Variants in ADGRL2 observed in about 807,000 individuals in gnomAD.
The protein encoded by ADGRL2 is calcium-independent alpha-latrotoxin receptor 2.
In ADGRL2, 44 loss-of-function variants were observed where a neutral mutation model predicts 157.4. That is an observed-to-expected ratio of 0.28 (90% CI 0.22 to 0.36). The LOEUF is 0.36. Ranked by LOEUF, ADGRL2 falls within the 10% of genes least tolerant of loss-of-function variation. The pLI is 1.00. For synonymous variants in ADGRL2, 585 were observed against 624.7 expected, an observed-to-expected ratio of 0.94 and a Z score of 0.95; for missense variants, 1,510 against 1,768.9, an observed-to-expected ratio of 0.85 and a Z score of 2.63.
intron 2 of ADGRL2, among the ~76,000 whole-genome samples, chr1:81,571,460 T>C (rs2080691437): frequency 6.7e-6 from 1 of 149,428 alleles, no homozygotes; most frequent in African/African-American, 2.4e-5. Flanking sequence ...CACATATATA[T>C]ATATGGTAGG....
At chr1:81,899,907 A>G (rs1325750038) in intron 2 of ADGRL2, among the ~76,000 whole-genome samples, 1 of 152,182 alleles carries the variant, frequency 6.6e-6, no homozygotes, top group Non-Finnish European at 1.5e-5. Flanking sequence ...AGCAGCCAGC[A>G]TACCATAACG....
At chr1:81,954,393 G>A (rs2149115156) in intron 10 of ADGRL2, among the ~76,000 whole-genome samples, 1 of 152,210 alleles carries the variant, frequency 6.6e-6, no homozygotes, top group South Asian at 2.1e-4. Flanking sequence ...CTTAATTTCT[G>A]ACCAGTGTCA....
chr1:81,366,512 C>A lies in ADGRL2; in HGVS notation c.-302+60003C>A, dbSNP rs11163261. On this transcript the variant is annotated intron_variant, in intron 1 of 24. Coordinates refer to the ADGRL2 transcript ENST00000370721. Reference sequence around the variant, plus strand: ...GTTTCTATCTAGTTTTCTAGCTTTACTCTTGCTATCTTTATGCTTTTCACT... The same window carrying A: ...GTTTCTATCTAGTTTTCTAGCTTTAATCTTGCTATCTTTATGCTTTTCACT... Among the ~76,000 whole-genome samples the A allele has an allele frequency of 3.0e-4, 46 of 151,916 alleles. No homozygotes were observed. The South Asian group carries it at 9.1e-3, about 30-fold the overall frequency.
chr1:81,766,847 G>GAAAAAA (rs66946051), intron 2 of ADGRL2, among the ~76,000 whole-genome samples: 13 of 117,784 alleles, frequency 1.1e-4, no homozygotes, highest in East Asian at 2.3e-4. Flanking sequence ...AAAAAAAAAG[G>GAAAAAA]AAAAAAAAAA....
chr1:81,688,542 A>T (rs2083274700), intron 3 of ADGRL2, among the ~76,000 whole-genome samples: 3 of 151,974 alleles, frequency 2.0e-5, no homozygotes, highest in Admixed American at 2.0e-4. Flanking sequence ...TCTTTAAGCT[A>T]TTTATTTCCT....
At chr1:81,544,563 C>T (rs565675563) in intron 2 of ADGRL2, among the ~76,000 whole-genome samples, 1 of 152,266 alleles carries the variant, frequency 6.6e-6, no homozygotes, top group South Asian at 2.1e-4. Context: ...AATTTTATCA[C>T]TCCTTTCTCT....
At chr1:81,951,148 C>T in intron 8 of ADGRL2, 27 bp downstream of exon 8, 1 of 1,450,844 alleles carries the variant, frequency 6.9e-7, no homozygotes, top group South Asian at 1.2e-5. Flanking sequence ...TAATATGACA[C>T]ATTGGTGATT....
chr1:81,711,541 A>T (rs2083928486), intron 1 of ADGRL2, among the ~76,000 whole-genome samples: 1 of 152,190 alleles, frequency 6.6e-6, no homozygotes, highest in Non-Finnish European at 1.5e-5. Context: ...GATTGTTTTT[A>T]AAAAGACATA....
Position 81,935,079 on chromosome 1 carries a change from G to A in ADGRL2, c.288-1649G>A, listed in dbSNP as rs2095290385. Among the ~76,000 whole-genome samples the A allele has an allele frequency of 2.0e-5, 3 of 151,962 alleles. No individual in the cohort carries two copies. In the South Asian group the frequency reaches 6.2e-4, roughly 31 times the overall value. ...TTAGTTATTGACCTATTGAGAAACT[G>A]TAAACCTACCTCTTGTCTTGAATTT... On this transcript the variant is annotated intron_variant, in intron 3 of 23. Transcript: ENST00000686636.
chr1:81,653,859 G>A (rs773762905), intron 3 of ADGRL2, among the ~76,000 whole-genome samples: 54 of 152,056 alleles, frequency 3.6e-4, no homozygotes, highest in African/African-American at 9.9e-4. Context: ...TAAATGACTC[G>A]TCATCATCTC....
chr1:81,785,247 G>A (rs1302094983), intron 2 of ADGRL2, among the ~76,000 whole-genome samples: 1 of 151,898 alleles, frequency 6.6e-6, no homozygotes, highest in Non-Finnish European at 1.5e-5. Context: ...TGTGCCCTAA[G>A]ACAAAATTAA....
intron 1 of ADGRL2, among the ~76,000 whole-genome samples, chr1:81,349,668 G>T (rs986356310): frequency 7.6e-6 from 1 of 132,022 alleles, no homozygotes; most frequent in African/African-American, 2.9e-5. Flanking sequence ...ACACACATCA[G>T]CATTCATTCT....
At chr1:81,952,216 G>A (rs1041081057) in intron 9 of ADGRL2, 74 bp downstream of exon 9, 2 of 1,269,718 alleles carry the variant, frequency 1.6e-6, no homozygotes, top group African/African-American at 3.1e-5. Flanking sequence ...TAGCAGTTGA[G>A]AGCCAAATCT....
intron 2 of ADGRL2, among the ~76,000 whole-genome samples, chr1:81,850,225 A>G (rs916966070): frequency 4.6e-5 from 7 of 151,924 alleles, no homozygotes; most frequent in Non-Finnish European, 8.8e-5. Flanking sequence ...CAGCTGTCTA[A>G]TATCAGTCTA....
intron 3 of ADGRL2, among the ~76,000 whole-genome samples, chr1:81,642,146 G>C (rs1001176837): frequency 1.3e-5 from 2 of 151,236 alleles, no homozygotes; most frequent in African/African-American, 4.9e-5. Flanking sequence ...TACTTGGAAG[G>C]CTGAGGCAGG....
In ADGRL2 at chr1:81,671,159, T is replaced by C. The variant is rs189190214; in HGVS notation, c.-143+90179T>C. The stretch of plus-strand genomic sequence containing the variant: ...AGAAGGGGCCTCCCAAGTATGTGCC[T>C]AACCTTCATCTCTCCCCTGTTCCTC... On this transcript the variant is annotated intron_variant, in intron 3 of 24. Coordinates refer to the ADGRL2 transcript ENST00000370721. Among the ~76,000 whole-genome samples the C allele has an allele frequency of 2.7e-3, 410 of 152,298 alleles. 1 individual carries two copies. The highest frequency in any genetic ancestry group is 8.9e-3 in the African/African-American group (370 of 41,550).
chr1:81,991,319 A>G lies in ADGRL2; in HGVS notation c.*174A>G. 2 of 563,994 alleles carry G rather than the reference A, an allele frequency of 3.5e-6. No individual in the cohort carries two copies. Among genetic ancestry groups the G allele is most frequent in the East Asian group, 2.8e-5 (1 of 35,618 alleles). 34.9% of individuals were successfully genotyped at this position (563,994 alleles called of 1,614,324 possible). The stretch of plus-strand genomic sequence containing the variant: ...TTCTGTGAATTTTTATAAAACATAC[A>G]AAAACTTTGTATATACACAGAGTAT... On this transcript the variant is annotated 3_prime_UTR_variant, in exon 24 of 24. Coordinates refer to ENST00000686636, the MANE Select transcript of ADGRL2 (RefSeq NM_001366006.2).
chr1:81,706,079 G>A (rs576300980), intron 1 of ADGRL2, among the ~76,000 whole-genome samples: 9 of 151,958 alleles, frequency 5.9e-5, no homozygotes, highest in Non-Finnish European at 1.3e-4. Flanking sequence ...CACGCCTGTA[G>A]TCCCAGCTAC....
chr1:81,376,072 G>C (rs764146283), intron 1 of ADGRL2, among the ~76,000 whole-genome samples: 1 of 152,130 alleles, frequency 6.6e-6, no homozygotes, highest in Non-Finnish European at 1.5e-5. Context: ...GCCACTCCTG[G>C]CATGGGCGCT....
Sources: gnomAD v4.1 joint callset for allele counts (sites outside exome capture counted in the v4.1 genomes callset) on GRCh38, gnomAD v4.1.1 for gene constraint, MANE v1.5 for transcripts, NCBI Gene and HGNC (gene_info 2026-07-23, HGNC 2026-07-21) for gene names.